COL1A2: variants seen among roughly 807,000 people sequenced by gnomAD.
COL1A2 encodes collagen alpha-2(I) chain.
A neutral mutation model predicts 174.3 loss-of-function variants in COL1A2; 49 were observed. That is an observed-to-expected ratio of 0.28 (90% CI 0.22 to 0.36). The LOEUF is 0.36. COL1A2 is among the 10% of genes least tolerant of loss of function. COL1A2 has a pLI of 1.00. For missense variants in COL1A2, 1,438 were observed against 1,822.7 expected, an observed-to-expected ratio of 0.79 and a Z score of 3.84; for synonymous variants, 655 against 606.6, an observed-to-expected ratio of 1.08 and a Z score of -1.17.
At chr7:94,423,651 G>C (rs1792215055) in intron 40 of COL1A2, 1 of 168,468 alleles carries the variant, frequency 5.9e-6, no homozygotes, top group African/African-American at 2.4e-5. Context: ...CTGGAGTGCA[G>C]TGGCACGATC....
intron 10 of COL1A2, 41 bp downstream of exon 10, chr7:94,405,293 G>C: frequency 6.3e-7 from 1 of 1,578,764 alleles, no homozygotes; most frequent in Non-Finnish European, 8.7e-7. Context: ...AACATCATAG[G>C]CCTATAAGAT....
chr7:94,406,168 A>T, intron 11 of COL1A2, 82 bp from the exon 12 acceptor site: 1 of 1,417,186 alleles, frequency 7.1e-7, no homozygotes, highest in Non-Finnish European at 9.9e-7. Context: ...AAGAGAGATT[A>T]ATGGCAAAGA....
In COL1A2 at chr7:94,424,077, G is replaced by C. The variant is rs187797658; in HGVS notation, c.2566-259G>C. On this transcript the variant is annotated intron_variant, in intron 40 of 51. Transcript: ENST00000297268. ...TAAAAACTCTATTTCACCACCCCAA[G>C]TGTCTTTATAAATCTCAACCACATA... 4.0e-5 allele frequency: 18 copies of C among 448,352 alleles called. No homozygotes were observed. The East Asian group carries it at 7.6e-4, about 19-fold the overall frequency. The allele number at this position is 448,352 out of a possible 1,614,324, so 27.8% of individuals were successfully genotyped here. A position where few individuals can be genotyped will look rare whatever the true frequency, so the allele number is the denominator to read the frequency against.
chr7:94,426,315 T>G, intron 45 of COL1A2, 108 bp from the exon 46 acceptor site: 1 of 1,070,620 alleles, frequency 9.3e-7, no homozygotes, highest in Non-Finnish European at 1.4e-6. Context: ...AGCTAAACCA[T>G]TACATGTCCT....
chr7:94,417,379 A>G (rs1455952488), intron 31 of COL1A2: 2 of 342,450 alleles, frequency 5.8e-6, no homozygotes, highest in South Asian at 5.2e-5. Flanking sequence ...TATCTGGGCT[A>G]AGAGACTTAT....
chr7:94,408,036 T>C, intron 13 of COL1A2, 145 bp downstream of exon 13: 5 of 1,161,066 alleles, frequency 4.3e-6, no homozygotes, highest in Non-Finnish European at 6.3e-6. Context: ...TTAATTGAAA[T>C]CCACTACTGT....
At chr7:94,407,385 G>C (rs1791825795) in intron 12 of COL1A2, among the ~76,000 whole-genome samples, 2 of 150,474 alleles carry the variant, frequency 1.3e-5, no homozygotes, top group Non-Finnish European at 3.0e-5. Context: ...CTCAGGATAA[G>C]AATATAGATT....
At position 94,424,155 on chromosome 7, in the gene COL1A2, C is replaced by G. The variant is rs377492662; in HGVS notation, c.2566-181C>G. The stretch of plus-strand genomic sequence containing the variant: ...AGGATGAATCAGATACAAAAGTATT[C>G]ATGCCAAGATGTAAACTCACCGTCA... On this transcript the variant is annotated intron_variant, in intron 40 of 51. Coordinates refer to ENST00000297268, the MANE Select transcript of COL1A2 (RefSeq NM_000089.4). 1.7e-5 allele frequency: 10 copies of G among 588,520 alleles called. 1 individual carries two copies. The South Asian group carries it at 2.0e-4, about 12-fold the overall frequency. 36.5% of individuals were successfully genotyped at this position (588,520 alleles called of 1,614,324 possible). A position where few individuals can be genotyped will look rare whatever the true frequency, so the allele number is the denominator to read the frequency against.
chr7:94,414,369 A>G, intron 29 of COL1A2, 94 bp downstream of exon 29: 2 of 1,172,204 alleles, frequency 1.7e-6, no homozygotes, highest in Non-Finnish European at 2.5e-6. Flanking sequence ...AATATGTAAA[A>G]GAAAATTTCG....
Position 94,417,845 on chromosome 7 carries a change from C to A in COL1A2, c.1971+14C>A. ...AAGGGAGAAAAGGTACGTGTTGACC[C>A]CTATTACATATTGTTGATGAACTCT... On this transcript the variant is annotated intron_variant, in intron 32 of 51. Transcript: ENST00000297268. The A allele has an allele frequency of 6.4e-7, 1 of 1,568,564 alleles. No individual in the cohort carries two copies. Among genetic ancestry groups the A allele is most frequent in the East Asian group, 2.3e-5 (1 of 43,236 alleles).
intron 37 of COL1A2, 78 bp downstream of exon 37, chr7:94,420,726 T>A: frequency 7.8e-7 from 1 of 1,286,708 alleles, no homozygotes; most frequent in Non-Finnish European, 1.1e-6. Context: ...GTCAAGTGCC[T>A]GCTATGCAAC....
At chr7:94,399,131 A>G (rs1428723301) in intron 4 of COL1A2, 47 bp downstream of exon 4, 2 of 1,558,258 alleles carry the variant, frequency 1.3e-6, no homozygotes, top group East Asian at 2.2e-5. Flanking sequence ...TATTTGAATA[A>G]CTATATGTTA....
chr7:94,401,264 A>T (rs981353327), intron 5 of COL1A2, among the ~76,000 whole-genome samples: 18 of 152,210 alleles, frequency 1.2e-4, no homozygotes, highest in Non-Finnish European at 2.4e-4. Flanking sequence ...TCCCTTCCTC[A>T]GAGTAGAGGT....
intron 33 of COL1A2, 170 bp from the exon 34 acceptor site, chr7:94,419,328 T>G: frequency 6.8e-6 from 5 of 734,746 alleles, no homozygotes. Flanking sequence ...GAGTGGCTTC[T>G]AATAGTCTTG....
chr7:94,402,469 A>C (rs1791706034), intron 6 of COL1A2, among the ~76,000 whole-genome samples: 1 of 152,130 alleles, frequency 6.6e-6, no homozygotes, highest in Non-Finnish European at 1.5e-5. Flanking sequence ...AATATTCAGC[A>C]CCATACCCTA....
chr7:94,400,062 A>G (rs748666143), intron 4 of COL1A2, 134 bp from the exon 5 acceptor site: 4 of 838,812 alleles, frequency 4.8e-6, no homozygotes, highest in Admixed American at 3.4e-5. Flanking sequence ...ATTTCAATCA[A>G]TGACAAATAT....
intron 1 of COL1A2, among the ~76,000 whole-genome samples, chr7:94,396,850 T>C (rs1345509411): frequency 6.6e-6 from 1 of 152,194 alleles, no homozygotes; most frequent in Non-Finnish European, 1.5e-5. Flanking sequence ...GGCCACCTAA[T>C]TAAAGCAATT....
intron 24 of COL1A2, 53 bp downstream of exon 24, chr7:94,412,174 A>G (rs375598666): frequency 4.1e-6 from 6 of 1,472,842 alleles, no homozygotes; most frequent in Non-Finnish European, 5.7e-6. Flanking sequence ...TTGCACCCTT[A>G]TCAAGTCTAT....
At chr7:94,396,285 A>G (rs796985191) in intron 1 of COL1A2, among the ~76,000 whole-genome samples, 7 of 151,548 alleles carry the variant, frequency 4.6e-5, no homozygotes, top group African/African-American at 1.7e-4. Flanking sequence ...GGTGTCTACC[A>G]CTGCATAATT....
Sources: allele counts gnomAD v4.1 joint callset (sites outside exome capture counted in the v4.1 genomes callset), GRCh38; gene constraint gnomAD v4.1.1; transcripts MANE v1.5; gene names NCBI Gene and HGNC (gene_info 2026-07-23, HGNC 2026-07-21).